The following BNC2 variants were observed in gnomAD, a reference collection of about 807,000 sequenced individuals.
BNC2 encodes the protein zinc finger protein basonuclin-2.
A neutral mutation model predicts 76.3 loss-of-function variants in BNC2; 20 were observed. The observed-to-expected ratio is 0.26, with a 90% CI of 0.18 to 0.38. BNC2 has a LOEUF of 0.38. Among genes scored for constraint, BNC2 ranks in the 10% least tolerant of loss-of-function variants. The pLI is 1.00. For synonymous variants in BNC2, 582 were observed against 514.8 expected, an observed-to-expected ratio of 1.13 and a Z score of -1.77; for missense variants, 1,382 against 1,399.8, an observed-to-expected ratio of 0.99 and a Z score of 0.20.
At chr9:16,617,133 A>G (rs976766897) in intron 3 of BNC2, among the ~76,000 whole-genome samples, 1 of 152,204 alleles carries the variant, frequency 6.6e-6, no homozygotes, top group African/African-American at 2.4e-5. Context: ...GGTCATGATC[A>G]TCATCGATAA....
At chr9:16,799,453 T>G (rs1485944550) in intron 1 of BNC2, among the ~76,000 whole-genome samples, 1 of 152,112 alleles carries the variant, frequency 6.6e-6, no homozygotes, top group Non-Finnish European at 1.5e-5. Flanking sequence ...TAGCTGGGAT[T>G]ACCAGCACCT....
At chr9:16,833,581 G>A (rs181870004) in intron 1 of BNC2, among the ~76,000 whole-genome samples, 1 of 152,202 alleles carries the variant, frequency 6.6e-6, no homozygotes, top group East Asian at 1.9e-4. Flanking sequence ...TGTTTTTCAA[G>A]TGTTACTGTC....
chr9:16,807,367 C>G (rs1231626682), intron 1 of BNC2, among the ~76,000 whole-genome samples: 3 of 152,122 alleles, frequency 2.0e-5, no homozygotes, highest in East Asian at 3.9e-4. Context: ...TTTTATTAAC[C>G]CAAATCTTCT....
chr9:16,686,431 A>G (rs946259753), intron 3 of BNC2, among the ~76,000 whole-genome samples: 5 of 152,062 alleles, frequency 3.3e-5, no homozygotes, highest in African/African-American at 1.2e-4. Context: ...GATTCCACCT[A>G]AACATGTTTT....
At chr9:16,492,672 C>T (rs1052640961) in intron 5 of BNC2, among the ~76,000 whole-genome samples, 5 of 151,062 alleles carry the variant, frequency 3.3e-5, no homozygotes, top group African/African-American at 7.3e-5. Flanking sequence ...GGTTATGCAT[C>T]GAATAAATAC....
intron 1 of BNC2, among the ~76,000 whole-genome samples, chr9:16,862,228 C>A (rs1185663014): frequency 6.6e-6 from 1 of 152,052 alleles, no homozygotes; most frequent in African/African-American, 2.4e-5. Context: ...ATGTTCAGGG[C>A]CACATTACTC....
At chr9:16,423,949 C>G (rs1370461100) in intron 6 of BNC2, among the ~76,000 whole-genome samples, 1 of 152,132 alleles carries the variant, frequency 6.6e-6, no homozygotes, top group Non-Finnish European at 1.5e-5. Context: ...GCTGCAGAAC[C>G]AAACTTCCTT....
intron 3 of BNC2, among the ~76,000 whole-genome samples, chr9:16,720,615 T>C (rs180836850): frequency 2.7e-4 from 41 of 152,296 alleles, no homozygotes; most frequent in African/African-American, 9.1e-4. Context: ...TCATTTTCTT[T>C]ACAGAGAGAA....
At chr9:16,708,946 A>C (rs1241437219) in intron 3 of BNC2, among the ~76,000 whole-genome samples, 1 of 152,070 alleles carries the variant, frequency 6.6e-6, no homozygotes, top group Non-Finnish European at 1.5e-5. Context: ...ATTAAGAGGG[A>C]ATAATGTGTT....
chr9:16,666,967 G>A (rs1193079413), intron 3 of BNC2, among the ~76,000 whole-genome samples: 1 of 151,866 alleles, frequency 6.6e-6, no homozygotes, highest in Non-Finnish European at 1.5e-5. Context: ...TAGTACCAGA[G>A]TGATATTACA....
chr9:16,707,862 G>C lies in BNC2; in HGVS notation c.330+19935C>G, dbSNP rs562341511. Among the ~76,000 whole-genome samples, 4 of 152,158 alleles carry C rather than the reference G, an allele frequency of 2.6e-5. No homozygotes were observed. In the South Asian group the frequency reaches 8.3e-4, roughly 32 times the overall value. ...TCACTATGTTGGCCAGGCTAGTCTG[G>C]AATCCCTGACCTCAGGTGCTCTGCC... is the stretch of plus-strand genomic sequence containing the variant. On this transcript the variant is annotated intron_variant, in intron 3 of 6. Transcript: ENST00000380672.
intron 6 of BNC2, among the ~76,000 whole-genome samples, chr9:16,425,714 G>A (rs893368505): frequency 5.3e-5 from 8 of 152,298 alleles, no homozygotes; most frequent in South Asian, 2.1e-4. Context: ...CTCTGAAGAC[G>A]TTAGTGAGAA....
intron 3 of BNC2, among the ~76,000 whole-genome samples, chr9:16,630,964 C>T (rs1031216508): frequency 3.3e-5 from 5 of 152,040 alleles, no homozygotes; most frequent in African/African-American, 1.2e-4. Flanking sequence ...GTCTCGAACT[C>T]CTGATCTCAG....
chr9:16,536,652 C>T (rs1818138853), intron 5 of BNC2, among the ~76,000 whole-genome samples: 1 of 151,930 alleles, frequency 6.6e-6, no homozygotes, highest in African/African-American at 2.4e-5. Flanking sequence ...TATATATATC[C>T]CATAAATATT....
chr9:16,450,672 G>C (rs1188713212), intron 5 of BNC2, among the ~76,000 whole-genome samples: 1 of 152,218 alleles, frequency 6.6e-6, no homozygotes, highest in Non-Finnish European at 1.5e-5. Flanking sequence ...GTAGAAACAT[G>C]CATGTACACC....
rs1476971678 is a variant in BNC2 at position 16,671,010 on chromosome 9, T to C, written c.330+56787A>G. On this transcript the variant is annotated intron_variant, in intron 3 of 6. Transcript: ENST00000380672. ...AGACGCACATGCACAAGCCAAAAAG[T>C]GTGGGAAGTTCATGCTCAGACGGCC... Among the ~76,000 whole-genome samples the C allele has an allele frequency of 2.6e-5, 4 of 151,866 alleles. No individual in the cohort carries two copies. In the South Asian group the frequency reaches 8.3e-4, roughly 32 times the overall value.
chr9:16,664,410 A>C (rs1822204610), intron 3 of BNC2, among the ~76,000 whole-genome samples: 1 of 152,176 alleles, frequency 6.6e-6, no homozygotes, highest in Non-Finnish European at 1.5e-5. Flanking sequence ...TCCTATCCAG[A>C]GAAATTCCAC....
At chr9:16,670,093 G>A (rs925738340) in intron 3 of BNC2, among the ~76,000 whole-genome samples, 2 of 152,056 alleles carry the variant, frequency 1.3e-5, no homozygotes, top group Admixed American at 6.6e-5. Context: ...ATCCCACTGG[G>A]TACTATTTTT....
intron 3 of BNC2, among the ~76,000 whole-genome samples, chr9:16,610,537 G>A (rs1430343702): frequency 1.3e-5 from 2 of 152,170 alleles, no homozygotes; most frequent in Non-Finnish European, 2.9e-5. Context: ...GAGATAGGTA[G>A]TCTCTGATCA....
Sources: allele counts gnomAD v4.1 joint callset (sites outside exome capture counted in the v4.1 genomes callset), GRCh38; gene constraint gnomAD v4.1.1; transcripts MANE v1.5; gene names NCBI Gene and HGNC (gene_info 2026-07-23, HGNC 2026-07-21).